The following USO1 variants were observed in gnomAD, a reference collection of about 807,000 sequenced individuals.
The protein encoded by USO1 is USO1 vesicle transport factor, also known as general vesicular transport factor p115.
Under a neutral mutation model 124.5 loss-of-function variants are expected in USO1, and 57 were observed. The observed-to-expected ratio is 0.46, with a 90% confidence interval of 0.37 to 0.57. The LOEUF is 0.57. USO1 is among the 20% of genes least tolerant of loss of function. The pLI is 0.00. For synonymous variants in USO1, 369 were observed against 362.8 expected (o/e 1.02, Z -0.19); for missense variants, 900 against 1,040.6 (o/e 0.86, Z 1.86).
chr4:75,804,044 C>A (rs1172072421), intron 17 of USO1, 90 bp from the exon 18 acceptor site: 1 of 1,483,578 alleles, frequency 6.7e-7, no homozygotes, highest in African/African-American at 1.4e-5. Flanking sequence ...CATACTGTCC[C>A]AAAATGACCT....
intron 20 of USO1, among the ~76,000 whole-genome samples, chr4:75,808,737 T>C (rs964678898): frequency 2.2e-5 from 2 of 92,602 alleles, no homozygotes; most frequent in Non-Finnish European, 5.5e-5. Context: ...CTGTCTTTTA[T>C]GATTTTTTTT....
chr4:75,728,925 A>G (rs1577919518), intron 1 of USO1, among the ~76,000 whole-genome samples: 1 of 151,976 alleles, frequency 6.6e-6, no homozygotes. Flanking sequence ...CAGCCTCCCA[A>G]GTAGCTGGGA....
chr4:75,736,406 C>T (rs1337404584), intron 1 of USO1, among the ~76,000 whole-genome samples: 2 of 149,122 alleles, frequency 1.3e-5, no homozygotes, highest in Non-Finnish European at 3.0e-5. Context: ...TCACCTCCGC[C>T]TCCTGGGTTC....
rs1167628350 is a variant in USO1 at position 75,787,114 on chromosome 4, G to T, written c.908G>T (p.Cys303Phe). 1.9e-6 allele frequency: 3 copies of T among 1,607,492 alleles called. No homozygotes were observed. Among genetic ancestry groups the T allele is most frequent in the Admixed American group, 1.7e-5 (1 of 59,134 alleles). The stretch of plus-strand genomic sequence containing the variant: ...AACCCTCCTGGTGCTACCAGTAGCT[G>T]CCAGAAGGCTATGTTCCAGTGTGGG... Reference protein sequence around the residue: ...PTNPPGATSSCQKAMFQCGLL... With the variant: ...PTNPPGATSSFQKAMFQCGLL... Residue 303 changes from cysteine to phenylalanine, a missense_variant, in exon 10 of 24, where the codon TGC (cysteine) becomes TTC (phenylalanine). Physicochemically the swap from Cys to Phe is radical, Grantham distance 205. Coordinates refer to ENST00000514213, the MANE Select transcript of USO1 (RefSeq NM_003715.4).
intron 18 of USO1, chr4:75,804,917 C>T: frequency 2.4e-6 from 1 of 410,514 alleles, no homozygotes. Context: ...ATCACCAGAC[C>T]ATGCAGTTTA....
intron 11 of USO1, among the ~76,000 whole-genome samples, 191 bp from the exon 12 acceptor site, chr4:75,790,452 C>A (rs1268098251): frequency 6.6e-6 from 1 of 152,196 alleles, no homozygotes; most frequent in African/African-American, 2.4e-5. Context: ...TCGTCCACAT[C>A]CTAGCTGTAT....
chr4:75,809,594 A>G (rs558954100), intron 21 of USO1, among the ~76,000 whole-genome samples: 1 of 152,338 alleles, frequency 6.6e-6, no homozygotes, highest in Admixed American at 6.5e-5. Context: ...AAACACTGCA[A>G]CACTATTTGG....
In USO1 at chr4:75,812,309, G is replaced by C; in HGVS notation, c.2733G>C (p.Val911=). 5 of 1,606,180 alleles carry C rather than the reference G, an allele frequency of 3.1e-6. No homozygotes were observed. The highest frequency in any genetic ancestry group is 4.3e-6 in the Non-Finnish European group (5 of 1,176,174). ...DSKKEQDDLL[V]LLADQDQKIL... is the part of the protein sequence containing the mutation. ...AAAAAGAACAAGATGATCTCTTGGT[G>C]CTCTTGGCCGATCAAGATCAGAAAA... The change falls in exon 23 of 24, where the codon GTG becomes GTC. Residue 911 remains valine (V), a synonymous_variant. Transcript: ENST00000514213.
At chr4:75,785,990 A>C (rs1722351367) in intron 9 of USO1, among the ~76,000 whole-genome samples, 1 of 152,138 alleles carries the variant, frequency 6.6e-6, no homozygotes, top group South Asian at 2.1e-4. Flanking sequence ...TTTATTAATG[A>C]ACCCTCTTTG....
chr4:75,801,335 T>A, intron 17 of USO1, 135 bp downstream of exon 17: 1 of 1,076,854 alleles, frequency 9.3e-7, no homozygotes, highest in Non-Finnish European at 1.2e-6. Context: ...AGCATCTGAG[T>A]ATTCAACAAA....
chr4:75,788,175 T>A (rs201914147), intron 10 of USO1, among the ~76,000 whole-genome samples: 17,521 of 121,914 alleles, frequency 0.14, 961 homozygotes, highest in Non-Finnish European at 0.18. Flanking sequence ...TTATTTATTT[T>A]TTTTTTTTTT....
intron 10 of USO1, among the ~76,000 whole-genome samples, chr4:75,787,634 T>G (rs1325329070): frequency 6.6e-6 from 1 of 152,218 alleles, no homozygotes; most frequent in East Asian, 1.9e-4. Flanking sequence ...AAAAAAAGTT[T>G]GTTTATATTT....
At chr4:75,787,730 A>G (rs1722402672) in intron 10 of USO1, among the ~76,000 whole-genome samples, 1 of 152,180 alleles carries the variant, frequency 6.6e-6, no homozygotes, top group Non-Finnish European at 1.5e-5. Flanking sequence ...CTTCAGCCTC[A>G]ATTGTCCTTA....
chr4:75,764,733 C>A (rs1721715548), intron 4 of USO1, among the ~76,000 whole-genome samples: 1 of 152,082 alleles, frequency 6.6e-6, no homozygotes, highest in Non-Finnish European at 1.5e-5. Flanking sequence ...AGGGCATTGT[C>A]TATCTTGTAA....
intron 20 of USO1, 137 bp downstream of exon 20, chr4:75,806,709 CAGA>C: frequency 8.5e-7 from 1 of 1,174,480 alleles, no homozygotes; most frequent in East Asian, 2.7e-5. Flanking sequence ...TTTGAAAATC[CAGA>C]AGCTGTTTCT....
At chr4:75,779,508 T>G (rs1722160821) in intron 8 of USO1, among the ~76,000 whole-genome samples, 1 of 152,218 alleles carries the variant, frequency 6.6e-6, no homozygotes, top group East Asian at 1.9e-4. Flanking sequence ...CAAAACAGCC[T>G]TATTGCTGAT....
chr4:75,752,244 T>C (rs2149154234), intron 1 of USO1, 129 bp from the exon 2 acceptor site: 2 of 394,760 alleles, frequency 5.1e-6, no homozygotes, highest in East Asian at 7.2e-5. Flanking sequence ...CATAGTTAGA[T>C]TTCTGAAAGA....
At position 75,800,712 on chromosome 4, in the gene USO1, G is replaced by A. The variant is rs746835019; in HGVS notation, c.1777G>A (p.Ala593Thr). ...TAGCAAACATGAGTTGTATTCCAGA[G>A]CATCTCAGAAACCCCAGCCAAACTT... is the stretch of plus-strand genomic sequence containing the variant. ...FISKHELYSR[A>T]SQKPQPNFPS... Residue 593 changes from alanine to threonine, a missense_variant, in exon 16 of 24, where the codon GCA (alanine) becomes ACA (threonine). This residue lies in a region of USO1 where 538 missense variants were observed against 681.6 expected (regional missense o/e 0.79). Transcript: ENST00000514213. 38 of 1,611,152 alleles carry A rather than the reference G, an allele frequency of 2.4e-5. No individual in the cohort carries two copies. Among genetic ancestry groups the A allele is most frequent in the Non-Finnish European group, 1.0e-5 (12 of 1,179,244 alleles).
intron 1 of USO1, among the ~76,000 whole-genome samples, chr4:75,740,353 CTG>C (rs1720924292): frequency 6.6e-6 from 1 of 152,166 alleles, no homozygotes; most frequent in Admixed American, 6.5e-5. Flanking sequence ...AGTGGCACGA[CTG>C]TGGCTCACTG....
Sources: allele counts gnomAD v4.1 joint callset (sites outside exome capture counted in the v4.1 genomes callset), GRCh38; gene constraint gnomAD v4.1.1; regional missense constraint gnomAD v4.1.1; transcripts MANE v1.5; gene names NCBI Gene and HGNC (gene_info 2026-07-23, HGNC 2026-07-21).